Variants in WASHC2A observed in about 807,000 individuals in gnomAD.
WASHC2A encodes WASH complex subunit 2A.
WASHC2A carries 82 observed loss-of-function variants against 140.3 expected under a neutral mutation model. That is an observed-to-expected ratio of 0.58 (90% CI 0.49 to 0.70). WASHC2A has a LOEUF of 0.70. Ranked by LOEUF, WASHC2A falls within the 30% of genes least tolerant of loss-of-function variation. The pLI is 0.00. For missense variants in WASHC2A, 985 were observed against 1,521.8 expected (o/e 0.65, Z 5.87); for synonymous variants, 340 against 560.8 (o/e 0.61, Z 5.56).
intron 2 of WASHC2A, among the ~76,000 whole-genome samples, chr10:50,069,109 G>C (rs1224657878): frequency 1.3e-5 from 2 of 151,832 alleles, no homozygotes; most frequent in Non-Finnish European, 2.9e-5. Flanking sequence ...GTTTTCCAAT[G>C]TCACTTGGTT....
chr10:50,099,638 G>A (rs1477700083), intron 16 of WASHC2A, among the ~76,000 whole-genome samples: 1 of 137,172 alleles, frequency 7.3e-6, no homozygotes, highest in African/African-American at 2.9e-5. Context: ...TGGCTGTGAA[G>A]CCCTGACTTT....
intron 4 of WASHC2A, among the ~76,000 whole-genome samples, chr10:50,079,386 A>AT (rs1197701472): frequency 6.6e-6 from 1 of 152,106 alleles, no homozygotes; most frequent in Non-Finnish European, 1.5e-5. Flanking sequence ...ATTTTATTTT[A>AT]TTTTTTATTT....
intron 4 of WASHC2A, 137 bp downstream of exon 4, chr10:50,078,874 G>A: frequency 6.5e-7 from 1 of 1,548,412 alleles, no homozygotes. Context: ...AGCCCAAGAG[G>A]GGATTCTTTC....
At chr10:50,129,222 G>A (rs1171235567) in intron 28 of WASHC2A, among the ~76,000 whole-genome samples, 197 bp from the exon 29 acceptor site, 8 of 152,192 alleles carry the variant, frequency 5.3e-5, no homozygotes, top group African/African-American at 1.9e-4. Context: ...GAATGACTTA[G>A]TCTTGGAGTA....
At chr10:50,109,045 T>C (rs1589247228) in intron 19 of WASHC2A, among the ~76,000 whole-genome samples, 1 of 151,646 alleles carries the variant, frequency 6.6e-6, no homozygotes, top group East Asian at 1.9e-4. Context: ...TGCTAAACAT[T>C]GAGGAGCACT....
At chr10:50,084,314 T>G in intron 6 of WASHC2A, 149 bp downstream of exon 6, 5 of 770,118 alleles carry the variant, frequency 6.5e-6, no homozygotes, top group Non-Finnish European at 1.0e-5. Flanking sequence ...TCACCACATT[T>G]GTTAGATTGT....
intron 20 of WASHC2A, among the ~76,000 whole-genome samples, chr10:50,113,205 A>G (rs1842423844): frequency 6.6e-6 from 1 of 151,488 alleles, no homozygotes; most frequent in African/African-American, 2.4e-5. Context: ...TCACCTCTCC[A>G]AAAAAGTAAA....
intron 4 of WASHC2A, among the ~76,000 whole-genome samples, chr10:50,079,476 A>G (rs1179580231): frequency 6.6e-6 from 1 of 152,258 alleles, no homozygotes; most frequent in Non-Finnish European, 1.5e-5. Context: ...AGCTCACTGC[A>G]ACCTCTGCTT....
chr10:50,100,767 T>C (rs1414142723), intron 17 of WASHC2A, among the ~76,000 whole-genome samples: 3 of 152,252 alleles, frequency 2.0e-5, no homozygotes, highest in Admixed American at 6.5e-5. Context: ...CCATCTGTCT[T>C]GTCGAGACTG....
At chr10:50,090,318 A>G (rs1236030601) in intron 8 of WASHC2A, among the ~76,000 whole-genome samples, 11 of 149,376 alleles carry the variant, frequency 7.4e-5, no homozygotes, top group East Asian at 5.9e-4. Context: ...CCTAGACAAT[A>G]TGGTGAAACT....
At chr10:50,116,488 T>C (rs1481970169) in intron 21 of WASHC2A, among the ~76,000 whole-genome samples, 1 of 138,212 alleles carries the variant, frequency 7.2e-6, no homozygotes, top group Admixed American at 7.5e-5. Flanking sequence ...ATTTTTTGTA[T>C]TTCTTTAGTA....
At chr10:50,090,083 C>T (rs1839740467) in intron 8 of WASHC2A, among the ~76,000 whole-genome samples, 1 of 151,652 alleles carries the variant, frequency 6.6e-6, no homozygotes, top group Admixed American at 6.6e-5. Context: ...GCACTTCAGC[C>T]TGGGCAAAAA....
chr10:50,131,140 T>C, intron 30 of WASHC2A, 62 bp downstream of exon 30: 5 of 1,611,934 alleles, frequency 3.1e-6, no homozygotes, highest in Non-Finnish European at 4.2e-6. Flanking sequence ...TTGGTATTTT[T>C]CTTGCTACCT....
In WASHC2A at chr10:50,119,961, T is replaced by A. The variant is rs1842898155; in HGVS notation, c.2478+192T>A. Among the ~76,000 whole-genome samples the A allele has an allele frequency of 1.5e-5, 2 of 137,290 alleles. 1 individual carries two copies. Among genetic ancestry groups the A allele is most frequent in the African/African-American group, 5.9e-5 (2 of 33,966 alleles). The allele number at this position is 137,290 out of a possible 152,430, so 90.1% of individuals were successfully genotyped here. On this transcript the variant is annotated intron_variant, in intron 23 of 30. Transcript: ENST00000282633. ...CTTACCTCAAGTAGCAGTGTTAGGATAGGGGATTAGAATTTCACCCCCCCT... is the reference window on the plus strand; with the variant it reads ...CTTACCTCAAGTAGCAGTGTTAGGAAAGGGGATTAGAATTTCACCCCCCCT...
intron 8 of WASHC2A, among the ~76,000 whole-genome samples, chr10:50,090,200 T>C (rs1354217966): frequency 6.6e-6 from 1 of 151,560 alleles, no homozygotes; most frequent in African/African-American, 2.4e-5. Context: ...TGTTACATTC[T>C]TATAAAGGAT....
chr10:50,104,065 G>A lies in WASHC2A; in HGVS notation c.1659G>A (p.Ala553=), dbSNP rs1359955438. 3.3e-6 allele frequency: 5 copies of A among 1,510,040 alleles called. No homozygotes were observed. Among genetic ancestry groups the A allele is most frequent in the African/African-American group, 2.7e-5 (2 of 73,076 alleles). 93.5% of individuals were successfully genotyped at this position (1,510,040 alleles called of 1,614,324 possible). A position where few individuals can be genotyped will look rare whatever the true frequency, so the allele number is the denominator to read the frequency against. ...DSEDLFSSQS[A]SKLKGASLLP... The stretch of plus-strand genomic sequence containing the variant: ...AGGATTTGTTTTCTTCTCAAAGTGC[G>A]AGTAAGTTAAAAGGTGCGTCTCTGC... Residue 553 remains alanine (A), a synonymous_variant, in exon 18 of 31, where the codon GCG becomes GCA. Coordinates refer to ENST00000282633, the MANE Select transcript of WASHC2A (RefSeq NM_001005751.3).
At chr10:50,094,492 C>G (rs1306975260) in intron 13 of WASHC2A, among the ~76,000 whole-genome samples, 1 of 151,934 alleles carries the variant, frequency 6.6e-6, no homozygotes, top group Middle Eastern at 3.2e-3. Context: ...TTAAAAAACA[C>G]AAATATAAAT....
chr10:50,109,960 C>CG, intron 19 of WASHC2A, 141 bp from the exon 20 acceptor site: 2 of 1,087,120 alleles, frequency 1.8e-6, no homozygotes, highest in Non-Finnish European at 2.6e-6. Flanking sequence ...TTAGTAGAGA[C>CG]GGGGTTTCAC....
At position 50,130,013 on chromosome 10, in the gene WASHC2A, A is replaced by G; in HGVS notation, c.3682A>G (p.Ile1228Val). The change falls in exon 29 of 31, where the codon ATA (isoleucine) becomes GTA (valine). Residue 1228 changes from isoleucine to valine, a missense_variant. Transcript: ENST00000282633. ...AAAATCCAATAGTCAGCAGGATGTC[A>G]TATTAACAACACAAGATATTTTTGA... ...ETKSNSQQDV[I>V]LTTQDIFEDD... The G allele has an allele frequency of 6.2e-7, 1 of 1,612,006 alleles. No individual in the cohort carries two copies. Among genetic ancestry groups the G allele is most frequent in the Non-Finnish European group, 8.5e-7 (1 of 1,179,842 alleles).
Sources: gnomAD v4.1 joint callset for allele counts (sites outside exome capture counted in the v4.1 genomes callset) on GRCh38, gnomAD v4.1.1 for gene constraint, MANE v1.5 for transcripts, NCBI Gene and HGNC (gene_info 2026-07-23, HGNC 2026-07-21) for gene names.